PHF24: variants seen among roughly 807,000 people sequenced by gnomAD.
PHF24 encodes Galpha inhibitory interacting protein.
PHF24 carries 25 observed loss-of-function variants against 42.6 expected under a neutral mutation model. The observed-to-expected ratio is 0.59, with a 90% CI of 0.43 to 0.82. The LOEUF is 0.82. Ranked by LOEUF, PHF24 falls within the 40% of genes least tolerant of loss-of-function variation. The pLI is 0.00. For synonymous variants in PHF24, 185 were observed against 204.8 expected (o/e 0.90, Z 0.83); for missense variants, 470 against 538.1 (o/e 0.87, Z 1.25).
the PHF24 span, among the ~76,000 whole-genome samples, chr9:34,873,379 G>A: frequency 2.0e-5 from 3 of 152,082 alleles, no homozygotes; most frequent in African/African-American, 7.2e-5. Context: ...ATTAATTTTT[G>A]TATAAGGTGT....
the PHF24 span, among the ~76,000 whole-genome samples, chr9:34,911,445 G>A: frequency 6.6e-6 from 1 of 152,008 alleles, no homozygotes; most frequent in Non-Finnish European, 1.5e-5. Flanking sequence ...AGTAGAGGCA[G>A]GGTTTCACCA....
the PHF24 span, among the ~76,000 whole-genome samples, chr9:34,911,541 C>T: frequency 3.9e-5 from 6 of 152,184 alleles, no homozygotes; most frequent in Admixed American, 6.5e-5. Context: ...CGTGAGCCAC[C>T]GCGCCCGGCC....
the PHF24 span, chr9:34,832,887 G>A: frequency 1.3e-6 from 2 of 1,551,726 alleles, no homozygotes; most frequent in Admixed American, 2.0e-5. Flanking sequence ...TGACTGTCTT[G>A]CAGGTCCTTC....
At chr9:34,914,234 C>G in the PHF24 span, among the ~76,000 whole-genome samples, 1 of 152,060 alleles carries the variant, frequency 6.6e-6, no homozygotes, top group Non-Finnish European at 1.5e-5. Flanking sequence ...GTCATTATAG[C>G]AGGGTAAATT....
At chr9:34,715,565 C>A in the PHF24 span, among the ~76,000 whole-genome samples, 1 of 152,132 alleles carries the variant, frequency 6.6e-6, no homozygotes, top group African/African-American at 2.4e-5. Context: ...CAGTTCCAGT[C>A]CTCTGGGTGA....
At chr9:34,953,221 G>T (rs1423691660), upstream of PHF24, among the ~76,000 whole-genome samples, 1 of 152,212 alleles carries the variant, frequency 6.6e-6, no homozygotes, top group African/African-American at 2.4e-5. This position sits in a 1 kb window ranked among gnomAD's most constrained non-coding sequence, Gnocchi z 4.1. Flanking sequence ...AAAACACATA[G>T]TTCACTGCAG....
chr9:34,677,389 GT>G, the PHF24 span, among the ~76,000 whole-genome samples: 101 of 79,772 alleles, frequency 1.3e-3, no homozygotes, highest in African/African-American at 3.2e-3. Context: ...TTTGTAAACT[GT>G]TTTTTTTTTT....
the PHF24 span, among the ~76,000 whole-genome samples, chr9:34,708,379 G>A: frequency 0.018 from 2,724 of 152,278 alleles, 36 homozygotes; most frequent in Non-Finnish European, 0.025. Context: ...GAGTCCAGGG[G>A]CCCAGATAGG....
the PHF24 span, chr9:34,728,095 G>A: frequency 1.4e-5 from 22 of 1,551,584 alleles, no homozygotes; most frequent in Non-Finnish European, 1.7e-5. Flanking sequence ...GAGGAACGGG[G>A]AGACAGTGTT....
chr9:34,824,303 A>G, the PHF24 span, among the ~76,000 whole-genome samples: 1 of 152,340 alleles, frequency 6.6e-6, no homozygotes, highest in African/African-American at 2.4e-5. Flanking sequence ...AAGATGCCCC[A>G]TGGACTGTGC....
the PHF24 span, among the ~76,000 whole-genome samples, chr9:34,764,983 G>T: frequency 6.6e-6 from 1 of 152,108 alleles, no homozygotes; most frequent in African/African-American, 2.4e-5. Context: ...GGAGCAGGTT[G>T]TTCAGTTTCC....
At chr9:34,886,564 A>G in the PHF24 span, among the ~76,000 whole-genome samples, 1 of 151,816 alleles carries the variant, frequency 6.6e-6, no homozygotes, top group East Asian at 1.9e-4. Context: ...CCAGTATGAC[A>G]CTCTTCTAGC....
At chr9:34,685,294 G>C in the PHF24 span, among the ~76,000 whole-genome samples, 1 of 152,194 alleles carries the variant, frequency 6.6e-6, no homozygotes, top group Admixed American at 6.5e-5. Context: ...GGGAATAGGA[G>C]TAGGGTGGGC....
At chr9:34,699,689 G>T in the PHF24 span, among the ~76,000 whole-genome samples, 1 of 152,140 alleles carries the variant, frequency 6.6e-6, no homozygotes, top group Non-Finnish European at 1.5e-5. Flanking sequence ...GTGAAATAAT[G>T]AAATAATAAT....
the PHF24 span, among the ~76,000 whole-genome samples, chr9:34,921,193 C>A: frequency 2.0e-5 from 3 of 146,946 alleles, no homozygotes; most frequent in African/African-American, 7.4e-5. Context: ...TTTTTCCATT[C>A]TTAAAACTTT....
chr9:34,809,044 A>T, the PHF24 span, among the ~76,000 whole-genome samples: 3,727 of 112,480 alleles, frequency 0.033, 151 homozygotes, highest in African/African-American at 0.12. The surrounding 1 kb of genome is among the most constrained non-coding windows in gnomAD (Gnocchi z 4.1). Flanking sequence ...TAATAAAAAA[A>T]AAAAATAATA....
the PHF24 span, among the ~76,000 whole-genome samples, chr9:34,859,769 CT>C: frequency 6.6e-6 from 1 of 152,140 alleles, no homozygotes; most frequent in Non-Finnish European, 1.5e-5. Flanking sequence ...AAGGTAAGGC[CT>C]TTGTTGCTAC....
At chr9:34,953,121 C>A (rs906240964), upstream of PHF24, among the ~76,000 whole-genome samples, 5 of 152,198 alleles carry the variant, frequency 3.3e-5, no homozygotes, top group Non-Finnish European at 5.9e-5. The surrounding 1 kb of genome is among the most constrained non-coding windows in gnomAD (Gnocchi z 4.1). Context: ...GATGGATAAA[C>A]TGGACTTCAT....
the PHF24 span, among the ~76,000 whole-genome samples, chr9:34,787,240 A>C: frequency 6.6e-6 from 1 of 152,122 alleles, no homozygotes; most frequent in African/African-American, 2.4e-5. Flanking sequence ...GAAACTAATA[A>C]ATTTTTCAAA....
Sources: gnomAD v4.1 joint callset for allele counts (sites outside exome capture counted in the v4.1 genomes callset) on GRCh38, gnomAD v4.1.1 for gene constraint, Gnocchi (gnomAD v3.1) non-coding constraint, MANE v1.5 for transcripts, NCBI Gene and HGNC (gene_info 2026-07-23, HGNC 2026-07-21) for gene names.